Variants in MBNL2 observed in about 807,000 individuals in gnomAD.
The protein encoded by MBNL2 is muscleblind like splicing regulator 2, also known as muscleblind-like protein 2.
MBNL2 carries 17 observed loss-of-function variants against 41.9 expected under a neutral mutation model. That is an observed-to-expected ratio of 0.41 (90% CI 0.28 to 0.61). MBNL2 has a LOEUF of 0.61. Among genes scored for constraint, MBNL2 ranks in the 20% least tolerant of loss-of-function variants. The pLI, the probability that MBNL2 is intolerant of heterozygous loss-of-function variation, is 0.35. For missense variants in MBNL2, 336 were observed against 505.6 expected, an observed-to-expected ratio of 0.66 and a Z score of 3.22; for synonymous variants, 195 against 182.9, an observed-to-expected ratio of 1.07 and a Z score of -0.53.
chr13:97,367,258 CTG>C (rs1245266704), intron 8 of MBNL2, among the ~76,000 whole-genome samples: 8 of 152,182 alleles, frequency 5.3e-5, no homozygotes, highest in African/African-American at 1.9e-4. Flanking sequence ...ATTTCCTACT[CTG>C]TGGTCACAAG....
chr13:97,229,889 C>G (rs999262440), intron 1 of MBNL2, among the ~76,000 whole-genome samples: 1 of 152,302 alleles, frequency 6.6e-6, no homozygotes. Flanking sequence ...AAAACTTTCA[C>G]AATATTCCAG....
intron 5 of MBNL2, among the ~76,000 whole-genome samples, chr13:97,353,272 T>G (rs1176395837): frequency 6.6e-6 from 1 of 152,182 alleles, no homozygotes. Context: ...GACATGAAAA[T>G]TACTGAATCT....
chr13:97,245,358 GA>G (rs1254971982), intron 1 of MBNL2, among the ~76,000 whole-genome samples: 1 of 152,120 alleles, frequency 6.6e-6, no homozygotes, highest in Non-Finnish European at 1.5e-5. Flanking sequence ...AGGATAGGGG[GA>G]AGGGAGGAAC....
At chr13:97,383,018 G>A (rs1046764975) in intron 8 of MBNL2, among the ~76,000 whole-genome samples, 17 of 152,112 alleles carry the variant, frequency 1.1e-4, no homozygotes, top group African/African-American at 9.7e-5. Flanking sequence ...GAACGCCAGC[G>A]GAAAGGGCCA....
At chr13:97,214,624 ACTTTC>A in the MBNL2 span, among the ~76,000 whole-genome samples, 1 of 152,086 alleles carries the variant, frequency 6.6e-6, no homozygotes, top group Admixed American at 6.5e-5. Context: ...GAAAAATCTT[ACTTTC>A]AAGTATCCCA....
intron 3 of MBNL2, among the ~76,000 whole-genome samples, chr13:97,338,062 T>C (rs1184244916): frequency 6.6e-6 from 1 of 152,232 alleles, no homozygotes; most frequent in Non-Finnish European, 1.5e-5. Context: ...CAGAGGAATC[T>C]TTTTAAAACA....
intron 2 of MBNL2, among the ~76,000 whole-genome samples, chr13:97,329,640 C>CATACAGCACACATAACACAAACACACACA: frequency 5.5e-3 from 1 of 182 alleles, no homozygotes. Flanking sequence ...ACACACAACA[C>CATACAGCACACATAACACAAACACACACA]ACACACAATA....
intron 2 of MBNL2, among the ~76,000 whole-genome samples, chr13:97,328,752 C>G (rs560112657): frequency 1.3e-5 from 2 of 152,300 alleles, no homozygotes; most frequent in South Asian, 4.1e-4. Context: ...ATGCAGTTGT[C>G]TGACAGCTAT....
chr13:97,360,892 C>T (rs2063340698), intron 7 of MBNL2, among the ~76,000 whole-genome samples: 1 of 152,166 alleles, frequency 6.6e-6, no homozygotes, highest in Non-Finnish European at 1.5e-5. Flanking sequence ...GGGGACAGTG[C>T]CCAGATACAG....
At chr13:97,295,123 T>C (rs930750319) in intron 2 of MBNL2, among the ~76,000 whole-genome samples, 1 of 152,140 alleles carries the variant, frequency 6.6e-6, no homozygotes, top group Non-Finnish European at 1.5e-5. Context: ...CCTCTACAAA[T>C]GTTCAGAGTT....
chr13:97,260,677 T>C (rs17235593), intron 1 of MBNL2, among the ~76,000 whole-genome samples: 3,621 of 152,188 alleles, frequency 0.024, 72 homozygotes, highest in South Asian at 0.11. Context: ...AACACAAATG[T>C]CACTGTCTAG....
chr13:97,163,734 T>A, the MBNL2 span, among the ~76,000 whole-genome samples: 3 of 152,076 alleles, frequency 2.0e-5, no homozygotes, highest in Non-Finnish European at 4.4e-5. Flanking sequence ...CTGCACACAC[T>A]CTCAGCAACC....
At chr13:97,221,203 A>G (rs1465704178), upstream of MBNL2, among the ~76,000 whole-genome samples, 3 of 152,192 alleles carry the variant, frequency 2.0e-5, no homozygotes, top group Non-Finnish European at 4.4e-5. Context: ...AACCTTTCAG[A>G]TGAATAAAGG....
intron 1 of MBNL2, among the ~76,000 whole-genome samples, chr13:97,272,804 A>T (rs894685890): frequency 6.6e-5 from 10 of 152,234 alleles, no homozygotes; most frequent in African/African-American, 2.4e-4. Context: ...ATTTGTATAT[A>T]ATAATCCTAT....
At chr13:97,259,791 A>G (rs760409574) in intron 1 of MBNL2, among the ~76,000 whole-genome samples, 1 of 152,222 alleles carries the variant, frequency 6.6e-6, no homozygotes, top group Non-Finnish European at 1.5e-5. Flanking sequence ...TAGCAACAAC[A>G]GCGGTTGAGA....
At chr13:97,236,010 C>T (rs368971762) in intron 1 of MBNL2, among the ~76,000 whole-genome samples, 180 of 152,214 alleles carry the variant, frequency 1.2e-3, no homozygotes, top group African/African-American at 4.1e-3. Context: ...CCTGCCCTGG[C>T]GGAGGCTGGG....
At position 97,243,888 on chromosome 13, in the gene MBNL2, A is replaced by G. The variant is rs183288398; in HGVS notation, c.-605+21357A>G. Reference sequence around the variant, plus strand: ...CATGGATCTTATTTTGTTATCATTCATCAGAAGTGGCAGGAGAAAAAAGGT... The same window carrying G: ...CATGGATCTTATTTTGTTATCATTCGTCAGAAGTGGCAGGAGAAAAAAGGT... On this transcript the variant is annotated intron_variant, in intron 1 of 8. Transcript: ENST00000679496. Among the ~76,000 whole-genome samples the G allele has an allele frequency of 2.2e-3, 340 of 152,276 alleles. 5 individuals carry two copies. Among genetic ancestry groups the G allele is most frequent in the East Asian group, 7.7e-4 (4 of 5,172 alleles).
rs536028966 is a variant in MBNL2, at chr13:97,264,944, C to T, written c.-604-10688C>T. Among the ~76,000 whole-genome samples the T allele has an allele frequency of 1.1e-4, 16 of 152,356 alleles. No homozygotes were observed. In the South Asian group the frequency reaches 2.7e-3, roughly 26 times the overall value. On this transcript the variant is annotated intron_variant, in intron 1 of 8. Coordinates refer to ENST00000679496, the MANE Select transcript of MBNL2 (RefSeq NM_001382683.1). ...TGGACATCCAGGAAACCGGTAAGTG[C>T]AATGCAGTTTTCAATGGTCTCTAAT...
the MBNL2 span, among the ~76,000 whole-genome samples, chr13:97,185,067 G>C: frequency 6.6e-6 from 1 of 152,150 alleles, no homozygotes; most frequent in African/African-American, 2.4e-5. Flanking sequence ...TTGTGTTTCT[G>C]CATGTTTTCA....
Sources: allele counts gnomAD v4.1 joint callset (sites outside exome capture counted in the v4.1 genomes callset), GRCh38; gene constraint gnomAD v4.1.1; transcripts MANE v1.5; gene names NCBI Gene and HGNC (gene_info 2026-07-23, HGNC 2026-07-21).